The following SRRM4 variants were observed in gnomAD, a reference collection of about 807,000 sequenced individuals.
SRRM4 encodes serine/arginine repetitive matrix 4.
A neutral mutation model predicts 68.9 loss-of-function variants in SRRM4; 33 were observed. The observed-to-expected ratio is 0.48, with a 90% confidence interval of 0.36 to 0.64. The LOEUF is 0.64. Among genes scored for constraint, SRRM4 ranks in the 30% least tolerant of loss-of-function variants. The pLI is 0.00. For missense variants in SRRM4, 817 were observed against 827.1 expected (o/e 0.99, Z 0.15); for synonymous variants, 318 against 318.8 (o/e 1.00, Z 0.03).
At chr12:119,006,090 C>T (rs990220076) in intron 1 of SRRM4, among the ~76,000 whole-genome samples, 3 of 152,148 alleles carry the variant, frequency 2.0e-5, no homozygotes, top group Non-Finnish European at 4.4e-5. Flanking sequence ...ATGATTGTGA[C>T]GCCCATTGCA....
At chr12:119,070,985 G>A (rs1312827202) in intron 1 of SRRM4, among the ~76,000 whole-genome samples, 1 of 152,226 alleles carries the variant, frequency 6.6e-6, no homozygotes, top group Non-Finnish European at 1.5e-5. Flanking sequence ...ATGAGCTGAT[G>A]AAGCTGGATG....
At chr12:119,111,232 G>T (rs1359187630) in intron 2 of SRRM4, among the ~76,000 whole-genome samples, 1 of 152,166 alleles carries the variant, frequency 6.6e-6, no homozygotes, top group Non-Finnish European at 1.5e-5. Context: ...TGTAACCAGG[G>T]TATACTTAAC....
In SRRM4 at chr12:119,161,941, T is replaced by C. The variant is rs780239283; in HGVS notation, c.*5143T>C. On this transcript the variant is annotated 3_prime_UTR_variant, in exon 13 of 13. Transcript: ENST00000267260. ...TTTTTTTTTTCTGGCCAAGGAAAGC[T>C]ATGCCTCATCTTCTAACGAGCCAAG... is the stretch of plus-strand genomic sequence containing the variant. 1 of 151,988 alleles carries C rather than the reference T, an allele frequency of 6.6e-6. No homozygotes were observed. 9.4% of individuals were successfully genotyped at this position (151,988 alleles called of 1,614,324 possible).
chr12:119,076,135 T>C (rs116198789), intron 1 of SRRM4, among the ~76,000 whole-genome samples: 2 of 150,924 alleles, frequency 1.3e-5, no homozygotes, highest in African/African-American at 2.4e-5. Flanking sequence ...TGAATGATGA[T>C]GATGACAATG....
chr12:119,043,808 A>ACACAC (rs60118462), intron 1 of SRRM4, among the ~76,000 whole-genome samples: 2 of 150,904 alleles, frequency 1.3e-5, no homozygotes, highest in South Asian at 2.1e-4. Context: ...ACACACACAC[A>ACACAC]AGTCTTGGGC....
At chr12:119,138,655 A>G (rs1189363839) in intron 8 of SRRM4, among the ~76,000 whole-genome samples, 1 of 152,144 alleles carries the variant, frequency 6.6e-6, no homozygotes, top group East Asian at 1.9e-4. Context: ...TGGTTTGATA[A>G]TGCATCTTTT....
chr12:119,110,243 G>A (rs1442468461), intron 2 of SRRM4, among the ~76,000 whole-genome samples: 3 of 152,198 alleles, frequency 2.0e-5, no homozygotes, highest in Non-Finnish European at 2.9e-5. Context: ...CTTACTGGGA[G>A]GTGCCTCCCA....
At chr12:119,125,269 G>T in intron 6 of SRRM4, 112 bp from the exon 7 acceptor site, 1 of 920,206 alleles carries the variant, frequency 1.1e-6, no homozygotes. Context: ...ACTTCGGGAG[G>T]GATGGTGACC....
chr12:119,153,957 GT>G (rs1356872751), intron 11 of SRRM4, among the ~76,000 whole-genome samples: 1 of 151,804 alleles, frequency 6.6e-6, no homozygotes, highest in Admixed American at 6.6e-5. Flanking sequence ...CAGGGCCTGC[GT>G]AACATTCACG....
chr12:119,111,410 G>A (rs1172448618), intron 2 of SRRM4, among the ~76,000 whole-genome samples: 1 of 152,150 alleles, frequency 6.6e-6, no homozygotes, highest in Non-Finnish European at 1.5e-5. Context: ...AAATTCAAGG[G>A]CTTTCTGAGT....
intron 1 of SRRM4, among the ~76,000 whole-genome samples, chr12:119,012,521 T>A (rs139955549): frequency 0.01 from 1,549 of 152,336 alleles, 27 homozygotes; most frequent in African/African-American, 0.033. Flanking sequence ...ATAACAATTA[T>A]AAGAACACAG....
At chr12:119,100,039 A>G (rs1364276249) in intron 1 of SRRM4, among the ~76,000 whole-genome samples, 1 of 152,176 alleles carries the variant, frequency 6.6e-6, no homozygotes, top group African/African-American at 2.4e-5. Context: ...ATCTAAGAAC[A>G]CATTCTAAAC....
At chr12:119,101,270 A>T (rs1954076418) in intron 1 of SRRM4, among the ~76,000 whole-genome samples, 1 of 152,182 alleles carries the variant, frequency 6.6e-6, no homozygotes, top group African/African-American at 2.4e-5. Flanking sequence ...CCTAGTTAAG[A>T]GCCAGGAACT....
chr12:119,130,640 C>T, intron 7 of SRRM4, 38 bp from the exon 8 acceptor site: 1 of 1,589,240 alleles, frequency 6.3e-7, no homozygotes. Flanking sequence ...CCATGCTCCC[C>T]TTCAAAAGAC....
chr12:119,104,141 A>T (rs777154140), intron 2 of SRRM4, among the ~76,000 whole-genome samples: 1 of 152,222 alleles, frequency 6.6e-6, no homozygotes, highest in Non-Finnish European at 1.5e-5. Context: ...TAAAATGGGA[A>T]TGTTGAGATG....
intron 1 of SRRM4, among the ~76,000 whole-genome samples, chr12:119,058,312 G>T (rs1221984607): frequency 6.6e-6 from 1 of 152,156 alleles, no homozygotes; most frequent in African/African-American, 2.4e-5. Flanking sequence ...TTAACAAATA[G>T]TAAAGATTAA....
chr12:119,074,315 G>A (rs1307705068), intron 1 of SRRM4, among the ~76,000 whole-genome samples: 2 of 152,142 alleles, frequency 1.3e-5, no homozygotes, highest in Admixed American at 1.3e-4. Flanking sequence ...CCAAATAATA[G>A]ATGTTCTTTT....
chr12:119,076,434 C>A (rs965045473), intron 1 of SRRM4, among the ~76,000 whole-genome samples: 18 of 152,184 alleles, frequency 1.2e-4, no homozygotes, highest in African/African-American at 4.3e-4. Flanking sequence ...GAGAACCCTG[C>A]ATTCAGACAC....
rs1954082614 is a variant in SRRM4, at chr12:119,102,325, C to T, written c.221C>T (p.Thr74Ile). Reference protein sequence around the residue: ...GQHLATEPLGTNSWERDKTCR... With the variant: ...GQHLATEPLGINSWERDKTCR... The stretch of plus-strand genomic sequence containing the variant: ...CATCTGGCCACCGAGCCCTTGGGCA[C>T]CAACAGTTGGGAGAGAGACAAGACC... The change falls in exon 2 of 13, where the codon ACC becomes ATC. Residue 74 changes from threonine to isoleucine, a missense_variant. By Grantham distance (89) the Thr-to-Ile change is moderately conservative (BLOSUM62 -1). Transcript: ENST00000267260. 6.2e-7 allele frequency: 1 copy of T among 1,613,550 alleles called. No homozygotes were observed. Among genetic ancestry groups the T allele is most frequent in the East Asian group, 2.2e-5 (1 of 44,870 alleles).
Sources: gnomAD v4.1 joint callset for allele counts (sites outside exome capture counted in the v4.1 genomes callset) on GRCh38, gnomAD v4.1.1 for gene constraint, MANE v1.5 for transcripts, NCBI Gene and HGNC (gene_info 2026-07-23, HGNC 2026-07-21) for gene names.